TRIM16: variants seen among roughly 807,000 people sequenced by gnomAD.
TRIM16 encodes tripartite motif containing 16, also known as tripartite motif-containing protein 16.
TRIM16 carries 33 observed loss-of-function variants against 50.4 expected under a neutral mutation model. The ratio of observed to expected loss-of-function variants is 0.65; its 90% CI spans 0.50 to 0.88. The LOEUF (loss-of-function observed/expected upper bound fraction) is 0.88, where lower values mean the gene tolerates loss of function less well. Ranked by LOEUF, TRIM16 falls within the 40% of genes least tolerant of loss-of-function variation. TRIM16 has a pLI of 0.00. For synonymous variants in TRIM16, 229 were observed against 270.7 expected (o/e 0.85, Z 1.51); for missense variants, 581 against 686.8 (o/e 0.85, Z 1.72).
chr17:15,678,197 C>A (rs1201390546), intron 4 of TRIM16, among the ~76,000 whole-genome samples: 15 of 144,622 alleles, frequency 1.0e-4, no homozygotes, highest in Admixed American at 6.3e-4. Flanking sequence ...CCAGCCTGGG[C>A]AACAGAACGA....
chr17:15,637,212 G>A (rs1156258296), intron 8 of TRIM16, among the ~76,000 whole-genome samples: 2 of 144,096 alleles, frequency 1.4e-5, no homozygotes, highest in East Asian at 4.4e-4. Flanking sequence ...CCGTCCGGGA[G>A]GGAGGTGGGG....
rs760671237 is a variant in TRIM16 at position 15,651,493 on chromosome 17, T to A, written c.117A>T (p.Pro39=). Residue 39 remains proline (P), a synonymous_variant, in exon 7 of 12, where the codon CCA becomes CCT. Transcript: ENST00000649191. The stretch of plus-strand genomic sequence containing the variant: ...AGGAGCCCACGTCCTCTTCTTCCAC[T>A]GGGCTGGCTGACCCAGAATCTGGGC... ...SPSPDSGSAS[P]VEEEDVGSSE... 1 of 1,612,032 alleles carries A rather than the reference T, an allele frequency of 6.2e-7. No homozygotes were observed. The highest frequency in any genetic ancestry group is 1.3e-5 in the African/African-American group (1 of 74,878).
In TRIM16 at chr17:15,634,614, A is replaced by G. The variant is rs1414707972; in HGVS notation, c.849+1422T>C. On this transcript the variant is annotated intron_variant, in intron 9 of 11. Coordinates refer to ENST00000649191, the MANE Select transcript of TRIM16 (RefSeq NM_001348119.1). ...CCATTGCACTCCAGCCTGGGCAACA[A>G]GAGTGAAACTCAGTCTCAAAAAAAA... Among the ~76,000 whole-genome samples the G allele has an allele frequency of 3.7e-5, 5 of 134,614 alleles. 1 individual carries two copies. Among genetic ancestry groups the G allele is most frequent in the African/African-American group, 1.4e-4 (5 of 34,982 alleles). 88.3% of individuals were successfully genotyped at this position (134,614 alleles called of 152,430 possible). A position where few individuals can be genotyped will look rare whatever the true frequency, so the allele number is the denominator to read the frequency against.
At chr17:15,655,396 T>C (rs1415976014) in intron 6 of TRIM16, among the ~76,000 whole-genome samples, 1 of 152,116 alleles carries the variant, frequency 6.6e-6, no homozygotes, top group African/African-American at 2.4e-5. Flanking sequence ...CTTTCTTCTC[T>C]CATGAATTGT....
chr17:15,647,840 C>T (rs1987474699), intron 7 of TRIM16, among the ~76,000 whole-genome samples: 1 of 151,634 alleles, frequency 6.6e-6, no homozygotes, highest in South Asian at 2.1e-4. Flanking sequence ...CACACACACA[C>T]ACACACACAC....
intron 8 of TRIM16, among the ~76,000 whole-genome samples, chr17:15,639,000 G>A (rs1986988493): frequency 1.3e-5 from 2 of 148,634 alleles, no homozygotes; most frequent in Non-Finnish European, 3.0e-5. Flanking sequence ...CCTACTGGAG[G>A]GGGATGGTGG....
chr17:15,670,555 A>T (rs998251140), intron 6 of TRIM16, among the ~76,000 whole-genome samples: 6 of 152,276 alleles, frequency 3.9e-5, no homozygotes, highest in Admixed American at 3.9e-4. Context: ...TAGCACGGGC[A>T]TATCATTTAA....
Position 15,651,467 on chromosome 17 carries a change from G to A in TRIM16, c.143C>T (p.Ser48Leu), listed in dbSNP as rs140413277. The A allele has an allele frequency of 4.3e-5, 69 of 1,611,784 alleles. No individual in the cohort carries two copies. Among genetic ancestry groups the A allele is most frequent in the Admixed American group, 2.2e-4 (13 of 59,896 alleles). ...CTCCGTCTCCCTGCCAAGCTTCTCC[G>A]AGGAGCCCACGTCCTCTTCTTCCAC... is the stretch of plus-strand genomic sequence containing the variant. Reference protein sequence around the residue: ...SPVEEEDVGSSEKLGRETEEQ... With the variant: ...SPVEEEDVGSLEKLGRETEEQ... The change falls in exon 7 of 12, where the codon TCG (serine) becomes TTG (leucine). Residue 48 changes from serine (S) to leucine (L), a missense_variant. Around this residue, in one of 3 missense-constraint regions of TRIM16, gnomAD observed 450 missense variants for 544.3 expected, o/e 0.83. Coordinates refer to ENST00000649191, the MANE Select transcript of TRIM16 (RefSeq NM_001348119.1).
At chr17:15,653,196 T>G (rs760499880) in intron 6 of TRIM16, among the ~76,000 whole-genome samples, 1 of 152,140 alleles carries the variant, frequency 6.6e-6, no homozygotes. Flanking sequence ...TCTCTCTCCA[T>G]GTGACCTGCC....
intron 8 of TRIM16, among the ~76,000 whole-genome samples, chr17:15,640,570 C>T (rs1221351149): frequency 6.7e-6 from 1 of 148,746 alleles, no homozygotes; most frequent in African/African-American, 2.5e-5. Flanking sequence ...GCCTCCTTGA[C>T]ATTGCAAACA....
chr17:15,632,858 C>T (rs1273859714), intron 9 of TRIM16, 184 bp from the exon 10 acceptor site: 2 of 729,726 alleles, frequency 2.7e-6, no homozygotes, highest in South Asian at 3.5e-5. Flanking sequence ...TCTCTAGCTG[C>T]TAGACCCTCA....
intron 6 of TRIM16, among the ~76,000 whole-genome samples, chr17:15,665,907 C>T (rs1227672958): frequency 6.6e-6 from 1 of 152,032 alleles, no homozygotes; most frequent in East Asian, 1.9e-4. Flanking sequence ...AATGTAAGGC[C>T]TCCCTAGATC....
At chr17:15,650,022 A>T (rs1987609270) in intron 7 of TRIM16, among the ~76,000 whole-genome samples, 1 of 152,222 alleles carries the variant, frequency 6.6e-6, no homozygotes. Context: ...CGGGCCGGAA[A>T]CAGTGACTCA....
At chr17:15,681,653 G>A (rs1400897871) in intron 3 of TRIM16, among the ~76,000 whole-genome samples, 3 of 152,124 alleles carry the variant, frequency 2.0e-5, no homozygotes, top group Non-Finnish European at 4.4e-5. Context: ...TCTCCATTTT[G>A]ATTTTTTTGC....
At chr17:15,663,884 T>TGCATAACCCA (rs1344780098) in intron 6 of TRIM16, among the ~76,000 whole-genome samples, 6 of 152,206 alleles carry the variant, frequency 3.9e-5, no homozygotes, top group African/African-American at 1.4e-4. Flanking sequence ...CAGGATGCAG[T>TGCATAACCCA]ATTGGGTTAT....
rs778777436 is a variant in TRIM16 at position 15,636,225 on chromosome 17, C to A, written c.660G>T (p.Gly220=). The change falls in exon 9 of 12, where the codon GGG becomes GGT. Residue 220 remains glycine, a synonymous_variant. Transcript: ENST00000649191. ...CCTTCCTCACAGCAGCAAGGAGTTCCCCAAACTGCATTTCAGCCACCGCTT... is the reference window on the plus strand; with the variant it reads ...CCTTCCTCACAGCAGCAAGGAGTTCACCAAACTGCATTTCAGCCACCGCTT... ...EVKAVAEMQF[G]ELLAAVRKAQ... 6 of 1,608,806 alleles carry A rather than the reference C, an allele frequency of 3.7e-6. 1 individual carries two copies. The East Asian group carries it at 1.4e-4, about 37-fold the overall frequency.
At position 15,634,802 on chromosome 17, in the gene TRIM16, C is replaced by T. The variant is rs1287091785; in HGVS notation, c.849+1234G>A. On this transcript the variant is annotated intron_variant, in intron 9 of 11. Transcript: ENST00000649191. ...CTCCAGCCTGGGTGACAGAGCAAGA[C>T]TCCATCTCAAAAAACAACACACACA... 2.0e-5 allele frequency among the ~76,000 whole-genome samples: 3 copies of T among 149,158 alleles called. 1 individual carries two copies. The highest frequency in any genetic ancestry group is 2.0e-4 in the Admixed American group (3 of 15,072).
At chr17:15,646,089 G>A (rs1381117369) in intron 7 of TRIM16, among the ~76,000 whole-genome samples, 1 of 152,160 alleles carries the variant, frequency 6.6e-6, no homozygotes, top group Non-Finnish European at 1.5e-5. Flanking sequence ...GGCAGCAGCG[G>A]GGCCATAGGG....
intron 6 of TRIM16, among the ~76,000 whole-genome samples, chr17:15,655,717 C>G (rs986450027): frequency 3.3e-5 from 5 of 151,962 alleles, no homozygotes; most frequent in Admixed American, 6.6e-5. Context: ...TGGGACTACA[C>G]GCACCCACCA....
Sources: allele counts gnomAD v4.1 joint callset (sites outside exome capture counted in the v4.1 genomes callset), GRCh38; gene constraint gnomAD v4.1.1; regional missense constraint gnomAD v4.1.1; transcripts MANE v1.5; gene names NCBI Gene and HGNC (gene_info 2026-07-23, HGNC 2026-07-21).